IQCB1: variants seen among roughly 807,000 people sequenced by gnomAD.
The protein encoded by IQCB1 is IQ calmodulin-binding motif-containing protein 1.
IQCB1 carries 56 observed loss-of-function variants against 84.4 expected under a neutral mutation model. That is an observed-to-expected ratio of 0.66 (90% confidence interval 0.54 to 0.83). The LOEUF (loss-of-function observed/expected upper bound fraction) is 0.83. IQCB1 is among the 40% of genes least tolerant of loss of function. IQCB1 has a pLI of 0.00. For missense variants in IQCB1, 629 were observed against 682.1 expected (o/e 0.92, Z 0.87); for synonymous variants, 210 against 234.8 (o/e 0.89, Z 0.96).
intron 10 of IQCB1, among the ~76,000 whole-genome samples, chr3:121,791,549 G>T (rs1013052306): frequency 6.6e-6 from 1 of 152,200 alleles, no homozygotes; most frequent in African/African-American, 2.4e-5. Flanking sequence ...TTCCAGAGAA[G>T]ATCTAGGGCT....
rs897326310 is a variant in IQCB1, at chr3:121,828,886, G to C, written c.75C>G (p.Val25=). ...AEVAKSPEQN[V]PVILLKLKEI... The stretch of plus-strand genomic sequence containing the variant: ...CTTTTAACTTCAACAGTATAACAGG[G>C]ACATTCTGCTCAGGGCTTTTTGCAA... The change falls in exon 3 of 15, where the codon GTC becomes GTG. Residue 25 remains valine, a synonymous_variant. Coordinates refer to ENST00000310864, the MANE Select transcript of IQCB1 (RefSeq NM_001023570.4). 1 of 1,604,338 alleles carries C rather than the reference G, an allele frequency of 6.2e-7. No homozygotes were observed.
rs1485134925 is a variant in IQCB1, at chr3:121,799,250, C to T, written c.712G>A (p.Ala238Thr). 6.2e-7 allele frequency: 1 copy of T among 1,610,830 alleles called. No homozygotes were observed. The highest frequency in any genetic ancestry group is 8.5e-7 in the Non-Finnish European group (1 of 1,177,856). Residue 238 changes from alanine (A) to threonine (T), a missense_variant, in exon 8 of 15, where the codon GCT becomes ACT. Physicochemically the swap from Ala to Thr is moderately conservative, Grantham distance 58 (BLOSUM62 0). Transcript: ENST00000310864. ...ATCAAAATTTCCTGATGGGATTCAG[C>T]CATCAACAGTAGGAGTTTTGTAGCA... ...STATKLLLLM[A>T]ESHQEILILL...
At chr3:121,772,868 A>G (rs1948059697) in intron 13 of IQCB1, among the ~76,000 whole-genome samples, 155 bp from the exon 14 acceptor site, 1 of 152,260 alleles carries the variant, frequency 6.6e-6, no homozygotes, top group Non-Finnish European at 1.5e-5. Flanking sequence ...GCAAGTATTA[A>G]TTAGTCTCTT....
intron 7 of IQCB1, among the ~76,000 whole-genome samples, chr3:121,806,068 G>C (rs1234109739): frequency 6.6e-6 from 1 of 152,006 alleles, no homozygotes; most frequent in African/African-American, 2.4e-5. Context: ...CTGATACCCA[G>C]TTTCTCAAAA....
intron 12 of IQCB1, among the ~76,000 whole-genome samples, chr3:121,783,106 T>C (rs1948572608): frequency 4.6e-5 from 7 of 152,178 alleles, no homozygotes; most frequent in Admixed American, 2.6e-4. Context: ...CCCTGAAAAG[T>C]TTGCTGATGT....
chr3:121,823,822 T>G (rs1265080370), intron 5 of IQCB1, among the ~76,000 whole-genome samples: 1 of 152,238 alleles, frequency 6.6e-6, no homozygotes, highest in Non-Finnish European at 1.5e-5. Flanking sequence ...TTTTCTTTCA[T>G]TTCTTTAAAT....
chr3:121,824,578 T>C (rs1233029891), intron 5 of IQCB1, among the ~76,000 whole-genome samples: 2 of 149,160 alleles, frequency 1.3e-5, no homozygotes, highest in Non-Finnish European at 3.0e-5. Flanking sequence ...CAGAGATAAA[T>C]ATCATTTCAT....
At chr3:121,809,037 C>T in intron 5 of IQCB1, 28 bp from the exon 6 acceptor site, 1 of 1,312,302 alleles carries the variant, frequency 7.6e-7, no homozygotes, top group Non-Finnish European at 1.1e-6. Flanking sequence ...GCCCAGTTTA[C>T]TTTTCTATAG....
rs71133577 is a variant in IQCB1, at chr3:121,831,179, A to ATTTTTTT, written c.-12-2214_-12-2208dup. Among the ~76,000 whole-genome samples the ATTTTTTT allele has an allele frequency of 2.3e-5, 3 of 129,574 alleles. 1 individual carries two copies. Among genetic ancestry groups the ATTTTTTT allele is most frequent in the Non-Finnish European group, 3.2e-5 (2 of 62,340 alleles). The allele number at this position is 129,574 out of a possible 152,430, so 85.0% of individuals were successfully genotyped here. A position where few individuals can be genotyped will look rare whatever the true frequency, so the allele number is the denominator to read the frequency against. ...TGCATCTCTTCATTTGTATCCTAGTATTTTTTTTTGGAGACAGGATCTCAC... is the reference window on the plus strand; with the variant it reads ...TGCATCTCTTCATTTGTATCCTAGTATTTTTTTTTTTTTTTTGGAGACAGGATCTCAC... On this transcript the variant is annotated intron_variant, in intron 2 of 14. Coordinates refer to ENST00000310864, the MANE Select transcript of IQCB1 (RefSeq NM_001023570.4).
chr3:121,810,781 T>C (rs1013921036), intron 5 of IQCB1, among the ~76,000 whole-genome samples: 1 of 152,174 alleles, frequency 6.6e-6, no homozygotes, highest in Non-Finnish European at 1.5e-5. Flanking sequence ...TAGAGTTAGT[T>C]TGTGGCACAG....
intron 11 of IQCB1, 106 bp from the exon 12 acceptor site, chr3:121,788,538 C>T (rs1559763625): frequency 1.8e-6 from 2 of 1,091,912 alleles, no homozygotes; most frequent in Non-Finnish European, 1.4e-6. Flanking sequence ...TTATTTTTGT[C>T]AATATTGTTC....
At chr3:121,788,473 A>G (rs1253378343) in intron 11 of IQCB1, 41 bp from the exon 12 acceptor site, 1 of 1,567,968 alleles carries the variant, frequency 6.4e-7, no homozygotes. Context: ...ACTCACTGCC[A>G]TGCTTTCTTA....
chr3:121,817,299 C>T (rs1950104260), intron 5 of IQCB1, among the ~76,000 whole-genome samples: 1 of 151,984 alleles, frequency 6.6e-6, no homozygotes, highest in Admixed American at 6.6e-5. Context: ...AGGACAAATA[C>T]CTAATGCATG....
chr3:121,803,444 C>T (rs1949485424), intron 7 of IQCB1, among the ~76,000 whole-genome samples: 1 of 152,148 alleles, frequency 6.6e-6, no homozygotes, highest in Non-Finnish European at 1.5e-5. Context: ...ATGTATTCTG[C>T]TACTGTTTGG....
intron 7 of IQCB1, among the ~76,000 whole-genome samples, chr3:121,804,960 T>C (rs1949551749): frequency 6.6e-6 from 1 of 152,228 alleles, no homozygotes; most frequent in Admixed American, 6.5e-5. Context: ...TTCACTAATC[T>C]GCAATGTTAA....
chr3:121,815,037 C>G (rs1257318994), intron 5 of IQCB1, among the ~76,000 whole-genome samples: 1 of 152,180 alleles, frequency 6.6e-6, no homozygotes, highest in Non-Finnish European at 1.5e-5. Flanking sequence ...CCGAATCCAG[C>G]AGCACATCAA....
chr3:121,786,201 A>AAAAGAAAAGAAAAGAAAAGAAAAG (rs1559760949), intron 12 of IQCB1, among the ~76,000 whole-genome samples: 2 of 146,096 alleles, frequency 1.4e-5, no homozygotes, highest in Non-Finnish European at 3.0e-5. Flanking sequence ...AAAAGAAAAG[A>AAAAGAAAAGAAAAGAAAAGAAAAG]AAAGAAAAGA....
At chr3:121,785,303 A>AG (rs1023063480) in intron 12 of IQCB1, among the ~76,000 whole-genome samples, 2 of 151,314 alleles carry the variant, frequency 1.3e-5, no homozygotes, top group African/African-American at 4.9e-5. Flanking sequence ...CCCAGGCTAG[A>AG]GTGCAGTGGT....
chr3:121,828,706 G>T, intron 3 of IQCB1, 74 bp from the exon 4 acceptor site: 1 of 1,120,990 alleles, frequency 8.9e-7, no homozygotes, highest in Non-Finnish European at 1.3e-6. Context: ...TTTATATGTT[G>T]AATAATCACT....
Sources: gnomAD v4.1 joint callset for allele counts (sites outside exome capture counted in the v4.1 genomes callset) on GRCh38, gnomAD v4.1.1 for gene constraint, MANE v1.5 for transcripts, NCBI Gene and HGNC (gene_info 2026-07-23, HGNC 2026-07-21) for gene names.